Variants in ARID1B observed in about 807,000 individuals in gnomAD.
ARID1B encodes the protein AT-rich interactive domain-containing protein 1B.
A neutral mutation model predicts 212.3 loss-of-function variants in ARID1B; 30 were observed. The ratio of observed to expected loss-of-function variants is 0.14; its 90% confidence interval spans 0.11 to 0.19. The LOEUF is 0.19. Ranked by LOEUF, ARID1B falls within the 10% of genes least tolerant of loss-of-function variation. ARID1B has a pLI of 1.00. For missense variants in ARID1B, 2,891 were observed against 3,204.0 expected (o/e 0.90, Z 2.36); for synonymous variants, 1,402 against 1,301.7 (o/e 1.08, Z -1.66).
intron 2 of ARID1B, among the ~76,000 whole-genome samples, chr6:156,843,905 T>C (rs1345437126): frequency 6.6e-6 from 1 of 152,090 alleles, no homozygotes; most frequent in East Asian, 1.9e-4. Flanking sequence ...TCAAGATCTA[T>C]GGACTATACT....
intron 7 of ARID1B, among the ~76,000 whole-genome samples, chr6:157,145,736 C>T (rs1488680451): frequency 2.6e-5 from 4 of 152,174 alleles, no homozygotes; most frequent in African/African-American, 9.7e-5. Flanking sequence ...AAGCTACACT[C>T]CAGGATGCCT....
intron 2 of ARID1B, among the ~76,000 whole-genome samples, chr6:156,834,277 C>T (rs1318193731): frequency 1.3e-5 from 2 of 152,012 alleles, no homozygotes; most frequent in Non-Finnish European, 2.9e-5. Context: ...TAAAAAAGAG[C>T]CTAGACTTCC....
intron 3 of ARID1B, among the ~76,000 whole-genome samples, chr6:156,933,009 T>C (rs370120767): frequency 2.0e-5 from 3 of 152,222 alleles, no homozygotes; most frequent in South Asian, 2.1e-4. Context: ...GAGTGAAATA[T>C]AAGGCCACAA....
In ARID1B at chr6:156,821,027, G is replaced by A. The variant is rs189928576; in HGVS notation, c.1792-8200G>A. ...AGTGTTTTCATTGATGAAGACTTGGGTGAAATAGTATGCTGATTTCATTGA... is the reference window on the plus strand; with the variant it reads ...AGTGTTTTCATTGATGAAGACTTGGATGAAATAGTATGCTGATTTCATTGA... On this transcript the variant is annotated intron_variant, in intron 1 of 19. Coordinates refer to ENST00000636930, the MANE Select transcript of ARID1B (RefSeq NM_001374828.1). 4.6e-5 allele frequency among the ~76,000 whole-genome samples: 7 copies of A among 152,316 alleles called. No individual in the cohort carries two copies. The East Asian group carries it at 1.3e-3, about 29-fold the overall frequency.
At position 156,936,342 on chromosome 6, in the gene ARID1B, CA is replaced by C. The variant is rs757988115; in HGVS notation, c.2247+785del. On this transcript the variant is annotated intron_variant, in intron 4 of 19. Coordinates refer to ENST00000636930, the MANE Select transcript of ARID1B (RefSeq NM_001374828.1). ...GGGCAACAAGAGCGAAACTTCATCTCAAAAAAAAAAAAAAAAAAATTGACAA... is the reference window on the plus strand; with the variant it reads ...GGGCAACAAGAGCGAAACTTCATCTCAAAAAAAAAAAAAAAAAATTGACAA... 4.2e-3 allele frequency: 322 copies of C among 76,760 alleles called. 3 individuals are homozygous for C. Among genetic ancestry groups the C allele is most frequent in the Middle Eastern group, 0.022 (2 of 92 alleles). 4.8% of individuals were successfully genotyped at this position (76,760 alleles called of 1,614,324 possible).
intron 3 of ARID1B, among the ~76,000 whole-genome samples, chr6:156,907,238 C>CT (rs1789472628): frequency 6.6e-6 from 1 of 152,016 alleles, no homozygotes; most frequent in Admixed American, 6.6e-5. Context: ...TTTTCCCTTT[C>CT]TTTTTGTAGC....
chr6:156,837,399 T>C (rs1783586884), intron 2 of ARID1B, among the ~76,000 whole-genome samples: 1 of 152,232 alleles, frequency 6.6e-6, no homozygotes. Context: ...TTATATAAAG[T>C]GAAGTCCGGA....
At position 156,975,136 on chromosome 6, in the gene ARID1B, T is replaced by C. The variant is rs114400572; in HGVS notation, c.2247+39560T>C. On this transcript the variant is annotated intron_variant, in intron 4 of 19. Coordinates refer to ENST00000636930, the MANE Select transcript of ARID1B (RefSeq NM_001374828.1). ...ATGACTGAACCATTTTACATTCTTA[T>C]AAGCGGTGTTCCTCTCCACACCTCA... 4.9e-3 allele frequency among the ~76,000 whole-genome samples: 743 copies of C among 152,366 alleles called. 4 individuals carry two copies. The highest frequency in any genetic ancestry group is 0.017 in the African/African-American group (705 of 41,590).
chr6:156,786,966 G>A (rs1018161318), intron 1 of ARID1B, among the ~76,000 whole-genome samples: 12 of 137,090 alleles, frequency 8.8e-5, no homozygotes, highest in African/African-American at 3.0e-4. Context: ...TTTTTTTTCC[G>A]GTGGGGCAGT....
In ARID1B at chr6:156,846,240, C is replaced by T. The variant is rs140931282; in HGVS notation, c.1986+16819C>T. ...CACAATCTCCGCTCACTGCAACCTC[C>T]GCCTCCTGGGTTCAAGTGATTCTTC... On this transcript the variant is annotated intron_variant, in intron 2 of 19. Transcript: ENST00000636930. Among the ~76,000 whole-genome samples, 514 of 152,188 alleles carry T rather than the reference C, an allele frequency of 3.4e-3. 4 individuals are homozygous for T. The highest frequency in any genetic ancestry group is 0.012 in the African/African-American group (480 of 41,504).
intron 2 of ARID1B, among the ~76,000 whole-genome samples, chr6:156,896,450 C>T (rs1211800525): frequency 1.3e-5 from 2 of 151,770 alleles, no homozygotes; most frequent in South Asian, 2.1e-4. Context: ...GTGGCCCGCT[C>T]CTGTAATCCC....
chr6:156,885,636 A>T (rs1787442217), intron 2 of ARID1B, among the ~76,000 whole-genome samples: 1 of 152,334 alleles, frequency 6.6e-6, no homozygotes, highest in East Asian at 1.9e-4. Flanking sequence ...TGTTCTTCTC[A>T]AGGGAAATAA....
At position 156,955,365 on chromosome 6, in the gene ARID1B, C is replaced by T. The variant is rs969902964; in HGVS notation, c.2247+19789C>T. ...GAGCTACTGTATGTTCCAGGCCATACATTACATATTAACCACAATCCTGTC... is the reference window on the plus strand; with the variant it reads ...GAGCTACTGTATGTTCCAGGCCATATATTACATATTAACCACAATCCTGTC... On this transcript the variant is annotated intron_variant, in intron 4 of 19. Coordinates refer to ENST00000636930, the MANE Select transcript of ARID1B (RefSeq NM_001374828.1). This position sits in a 1 kb window ranked among gnomAD's most constrained non-coding sequence, Gnocchi z 4.2. 1.3e-5 allele frequency among the ~76,000 whole-genome samples: 2 copies of T among 152,196 alleles called. No individual in the cohort carries two copies. Among genetic ancestry groups the T allele is most frequent in the African/African-American group, 4.8e-5 (2 of 41,442 alleles).
At chr6:157,101,495 A>T (rs1041857153) in intron 5 of ARID1B, among the ~76,000 whole-genome samples, 1 of 152,202 alleles carries the variant, frequency 6.6e-6, no homozygotes, top group African/African-American at 2.4e-5. Context: ...CATGATCTCC[A>T]TGTATTGAGG....
chr6:156,850,200 A>G (rs796666927), intron 2 of ARID1B, among the ~76,000 whole-genome samples: 14 of 151,964 alleles, frequency 9.2e-5, no homozygotes, highest in African/African-American at 3.4e-4. Context: ...TTCATTTCTG[A>G]AAATGGAAAA....
chr6:156,891,660 T>C (rs1487613772), intron 2 of ARID1B, among the ~76,000 whole-genome samples: 1 of 152,194 alleles, frequency 6.6e-6, no homozygotes, highest in Non-Finnish European at 1.5e-5. Context: ...TGTTATTAAA[T>C]ATAGTGTAAA....
At chr6:156,977,082 A>C (rs1046488227) in intron 4 of ARID1B, 9 of 254,918 alleles carry the variant, frequency 3.5e-5, no homozygotes, top group Non-Finnish European at 6.5e-5. Flanking sequence ...GGGATGTAAT[A>C]CATATTTACA....
In ARID1B at chr6:156,778,664, C is replaced by CAGCAT; in HGVS notation, c.984_985insAGCAT (p.Gly329SerfsTer22). 1 of 1,487,174 alleles carries CAGCAT rather than the reference C, an allele frequency of 6.7e-7. No individual in the cohort carries two copies. Among genetic ancestry groups the CAGCAT allele is most frequent in the Non-Finnish European group, 9.0e-7 (1 of 1,116,872 alleles). 92.1% of individuals were successfully genotyped at this position (1,487,174 alleles called of 1,614,324 possible). A position where few individuals can be genotyped will look rare whatever the true frequency, so the allele number is the denominator to read the frequency against. ...CTGCCCCTGCGAGCGGCGGCCCCGG[C>CAGCAT]GGCCGCGCTGGGCCTTGCTTTGATC... On this transcript the variant is annotated frameshift_variant, in exon 1 of 20. Transcript: ENST00000636930. LOFTEE classifies it high-confidence loss of function.
intron 4 of ARID1B, among the ~76,000 whole-genome samples, chr6:157,058,517 G>A (rs1408351630): frequency 6.6e-6 from 1 of 152,132 alleles, no homozygotes; most frequent in African/African-American, 2.4e-5. Context: ...CACACGCCTC[G>A]GCATCCCAAA....
Sources: gnomAD v4.1 joint callset for allele counts (sites outside exome capture counted in the v4.1 genomes callset) on GRCh38, gnomAD v4.1.1 for gene constraint, Gnocchi (gnomAD v3.1) non-coding constraint, MANE v1.5 for transcripts, NCBI Gene and HGNC (gene_info 2026-07-23, HGNC 2026-07-21) for gene names.